Variants in PCDH15 observed in about 807,000 individuals in gnomAD.
PCDH15 encodes the protein protocadherin-15.
In PCDH15, 129 loss-of-function variants were observed where a neutral mutation model predicts 178.5. The ratio of observed to expected loss-of-function variants is 0.72; its 90% CI spans 0.63 to 0.84. PCDH15 has a LOEUF of 0.84. PCDH15 is among the 40% of genes least tolerant of loss of function. The pLI, the probability that PCDH15 is intolerant of heterozygous loss-of-function variation, is 0.00. For missense variants in PCDH15, 2,230 were observed against 2,099.9 expected, an observed-to-expected ratio of 1.06 and a Z score of -1.21; for synonymous variants, 800 against 732.0, an observed-to-expected ratio of 1.09 and a Z score of -1.50.
At chr10:54,757,740 C>CAG (rs760710539) in intron 1 of PCDH15, among the ~76,000 whole-genome samples, 15 of 151,472 alleles carry the variant, frequency 9.9e-5, no homozygotes, top group Non-Finnish European at 1.5e-4. Flanking sequence ...GAGAGAGAGA[C>CAG]AGAGAGAGAG....
At chr10:55,249,799 T>C (rs1336307850) in intron 1 of PCDH15, among the ~76,000 whole-genome samples, 1 of 151,946 alleles carries the variant, frequency 6.6e-6, no homozygotes, top group East Asian at 1.9e-4. Context: ...AACAAGTAAT[T>C]AAGAAATTAT....
At chr10:54,145,315 G>T (rs898321829) in intron 14 of PCDH15, among the ~76,000 whole-genome samples, 3 of 151,936 alleles carry the variant, frequency 2.0e-5, no homozygotes, top group Non-Finnish European at 4.4e-5. Context: ...GTGCTACAAG[G>T]AGTCTATTTG....
intron 2 of PCDH15, among the ~76,000 whole-genome samples, chr10:55,604,963 T>C (rs1843179571): frequency 6.6e-6 from 1 of 151,882 alleles, no homozygotes; most frequent in African/African-American, 2.4e-5. Flanking sequence ...AGGAGCTGGT[T>C]TTTCGAAAGG....
At chr10:55,497,160 T>C (rs1840552926) in intron 2 of PCDH15, among the ~76,000 whole-genome samples, 1 of 151,830 alleles carries the variant, frequency 6.6e-6, no homozygotes, top group Non-Finnish European at 1.5e-5. Context: ...GACAGCATCT[T>C]GCTTTGTCAC....
chr10:55,554,952 G>A (rs903739335), intron 2 of PCDH15, among the ~76,000 whole-genome samples: 3 of 151,958 alleles, frequency 2.0e-5, no homozygotes, highest in African/African-American at 7.2e-5. Flanking sequence ...TTTGTCTCAT[G>A]TTTTACCCCT....
At chr10:55,327,218 T>C (rs1352175986) in intron 2 of PCDH15, among the ~76,000 whole-genome samples, 1 of 152,096 alleles carries the variant, frequency 6.6e-6, no homozygotes, top group Non-Finnish European at 1.5e-5. Context: ...AAGTCAGCCA[T>C]CTATGAACCA....
rs1842090079 is a variant in PCDH15 at position 55,556,315 on chromosome 10, GC to G, written c.-156+71309del. Among the ~76,000 whole-genome samples, 3 of 152,082 alleles carry G rather than the reference GC, an allele frequency of 2.0e-5. No homozygotes were observed. The South Asian group carries it at 6.2e-4, about 31-fold the overall frequency. On this transcript the variant is annotated intron_variant, in intron 2 of 5. Coordinates refer to the PCDH15 transcript ENST00000613346. ...TTTTCATAGAAGACAGTTGCTTTGGGCCCTAAGATTTACATTAAAGAATGGA... is the reference window on the plus strand; with the variant it reads ...TTTTCATAGAAGACAGTTGCTTTGGGCCTAAGATTTACATTAAAGAATGGA...
intron 2 of PCDH15, among the ~76,000 whole-genome samples, chr10:54,960,821 T>C (rs907656069): frequency 6.6e-6 from 1 of 152,224 alleles, no homozygotes; most frequent in Non-Finnish European, 1.5e-5. Flanking sequence ...TTCCTAGGCA[T>C]GTACAGAAAG....
chr10:55,538,976 TTTCC>T (rs150020068), intron 2 of PCDH15, among the ~76,000 whole-genome samples: 5 of 79,604 alleles, frequency 6.3e-5, no homozygotes, highest in East Asian at 7.0e-4. Flanking sequence ...TCCTTCCTCC[TTTCC>T]TTCCTTCCTT....
At chr10:55,099,008 T>C (rs1445115938) in intron 2 of PCDH15, among the ~76,000 whole-genome samples, 1 of 151,696 alleles carries the variant, frequency 6.6e-6, no homozygotes, top group Admixed American at 6.6e-5. Context: ...TTGCGTGTCC[T>C]TAATCTATTT....
chr10:55,438,250 C>T (rs2132065496), intron 2 of PCDH15, among the ~76,000 whole-genome samples: 1 of 151,802 alleles, frequency 6.6e-6, no homozygotes, highest in Non-Finnish European at 1.5e-5. Flanking sequence ...TCATTAAATA[C>T]TATTTTCCTG....
intron 25 of PCDH15, among the ~76,000 whole-genome samples, chr10:53,908,002 C>T (rs1310537348): frequency 6.6e-6 from 1 of 152,042 alleles, no homozygotes; most frequent in African/African-American, 2.4e-5. Context: ...AAGATGAATC[C>T]ATTTCATTTA....
intron 3 of PCDH15, among the ~76,000 whole-genome samples, chr10:54,461,633 T>C (rs1001546481): frequency 2.6e-5 from 4 of 152,196 alleles, no homozygotes; most frequent in Non-Finnish European, 4.4e-5. Context: ...AGGCAAACTG[T>C]GTGCAAATAT....
chr10:55,043,521 C>A (rs1263913759), intron 2 of PCDH15, among the ~76,000 whole-genome samples: 1 of 151,912 alleles, frequency 6.6e-6, no homozygotes, highest in African/African-American at 2.4e-5. Context: ...CCAGCCTGGG[C>A]AACACAGTGA....
intron 3 of PCDH15, among the ~76,000 whole-genome samples, chr10:54,524,373 A>G (rs947691220): frequency 6.6e-6 from 1 of 152,226 alleles, no homozygotes; most frequent in Non-Finnish European, 1.5e-5. Context: ...ACCATGACTT[A>G]AAATCATTTT....
intron 3 of PCDH15, among the ~76,000 whole-genome samples, chr10:54,380,999 G>C (rs1479674236): frequency 6.6e-6 from 1 of 150,872 alleles, no homozygotes; most frequent in Admixed American, 6.6e-5. Context: ...CTGCTGGTGT[G>C]TTGAAAGAGT....
intron 4 of PCDH15, among the ~76,000 whole-genome samples, chr10:54,377,775 T>C (rs1257397514): frequency 6.6e-6 from 1 of 152,134 alleles, no homozygotes; most frequent in Non-Finnish European, 1.5e-5. Flanking sequence ...CAATTACTGA[T>C]TATAATCCAC....
intron 3 of PCDH15, among the ~76,000 whole-genome samples, chr10:54,470,579 C>G (rs974836114): frequency 2.0e-5 from 3 of 152,106 alleles, no homozygotes; most frequent in African/African-American, 7.2e-5. Context: ...CTTGCCATCC[C>G]CATGCAGCTT....
chr10:54,226,442 A>G (rs747337146), intron 9 of PCDH15, among the ~76,000 whole-genome samples: 8 of 152,134 alleles, frequency 5.3e-5, no homozygotes, highest in Non-Finnish European at 1.2e-4. Flanking sequence ...GCTCATGCCT[A>G]TAATCCCAGC....
Sources: allele counts gnomAD v4.1 joint callset (sites outside exome capture counted in the v4.1 genomes callset), GRCh38; gene constraint gnomAD v4.1.1; transcripts MANE v1.5; gene names NCBI Gene and HGNC (gene_info 2026-07-23, HGNC 2026-07-21).